The following BAZ2B variants were observed in gnomAD, a reference collection of about 807,000 sequenced individuals.
The protein encoded by BAZ2B is bromodomain adjacent to zinc finger domain 2B, also known as bromodomain adjacent to zinc finger domain protein 2B.
A neutral mutation model predicts 246.0 loss-of-function variants in BAZ2B; 91 were observed. The observed-to-expected ratio is 0.37, with a 90% CI of 0.31 to 0.44. The LOEUF (loss-of-function observed/expected upper bound fraction) is 0.44, where lower values mean the gene tolerates loss of function less well. BAZ2B is among the 20% of genes least tolerant of loss of function. The pLI is 1.00. For synonymous variants in BAZ2B, 855 were observed against 860.0 expected (o/e 0.99, Z 0.10); for missense variants, 2,332 against 2,533.7 (o/e 0.92, Z 1.71).
the BAZ2B span, among the ~76,000 whole-genome samples, chr2:159,683,072 G>A: frequency 1.3e-5 from 2 of 151,792 alleles, no homozygotes; most frequent in African/African-American, 4.9e-5. Flanking sequence ...CTATGTACTT[G>A]TATAGAGTTG....
At position 159,514,915 on chromosome 2, in the gene BAZ2B, C is replaced by A. The variant is rs578085725; in HGVS notation, c.-2-36194G>T. Among the ~76,000 whole-genome samples the A allele has an allele frequency of 2.0e-5, 3 of 152,136 alleles. No individual in the cohort carries two copies. In the South Asian group the frequency reaches 6.2e-4, roughly 32 times the overall value. On this transcript the variant is annotated intron_variant, in intron 2 of 36. Transcript: ENST00000392783. ...TAAGCTAGAATACTCACAAACTTAA[C>A]CTTTAGAATCTCCTCAGAATATGCC...
chr2:159,666,404 C>T, the BAZ2B span, among the ~76,000 whole-genome samples: 3 of 151,804 alleles, frequency 2.0e-5, no homozygotes, highest in Non-Finnish European at 2.9e-5. Flanking sequence ...GGACTACAGG[C>T]GCACACCACC....
In BAZ2B at chr2:159,342,849, C is replaced by A. The variant is rs1044424946; in HGVS notation, c.5454+4637G>T. Reference sequence around the variant, plus strand: ...GTTAAAATGATAATACTACCCAATGCGATCTACAGATTCAACACAATCCCT... The same window carrying A: ...GTTAAAATGATAATACTACCCAATGAGATCTACAGATTCAACACAATCCCT... On this transcript the variant is annotated intron_variant, in intron 31 of 36. Coordinates refer to ENST00000392783, the MANE Select transcript of BAZ2B (RefSeq NM_013450.4). Among the ~76,000 whole-genome samples, 4 of 151,990 alleles carry A rather than the reference C, an allele frequency of 2.6e-5. No individual in the cohort carries two copies. In the East Asian group the frequency reaches 7.7e-4, roughly 29 times the overall value.
chr2:159,589,641 CTG>C (rs1244825603), intron 1 of BAZ2B, among the ~76,000 whole-genome samples: 1 of 152,156 alleles, frequency 6.6e-6, no homozygotes, highest in Non-Finnish European at 1.5e-5. Flanking sequence ...TCTTAAGACA[CTG>C]TTTATATAAT....
chr2:159,385,555 C>A (rs944872142), intron 22 of BAZ2B, among the ~76,000 whole-genome samples, 186 bp from the exon 23 acceptor site: 1 of 151,676 alleles, frequency 6.6e-6, no homozygotes, highest in African/African-American at 2.4e-5. Context: ...GTATTTGTTT[C>A]TTTCTTTCCC....
chr2:159,676,848 T>G, the BAZ2B span, among the ~76,000 whole-genome samples: 12 of 151,908 alleles, frequency 7.9e-5, no homozygotes, highest in South Asian at 2.1e-4. Flanking sequence ...CACAATAGTG[T>G]GAATGTACTT....
chr2:159,564,073 T>C (rs999262388), intron 1 of BAZ2B, among the ~76,000 whole-genome samples: 5 of 152,212 alleles, frequency 3.3e-5, no homozygotes, highest in African/African-American at 1.2e-4. Context: ...TTTTGCAAAC[T>C]ATCCTTCTTA....
intron 1 of BAZ2B, among the ~76,000 whole-genome samples, chr2:159,581,813 A>C (rs924740682): frequency 1.3e-4 from 19 of 151,758 alleles, no homozygotes; most frequent in African/African-American, 4.4e-4. Flanking sequence ...TGAGCAAACT[A>C]TCACAAGGAC....
At chr2:159,543,039 T>A (rs796394296) in intron 2 of BAZ2B, among the ~76,000 whole-genome samples, 51 of 152,276 alleles carry the variant, frequency 3.3e-4, no homozygotes, top group African/African-American at 1.2e-3. Context: ...AAAGTAAGAA[T>A]AATAATGATA....
chr2:159,618,926 T>C (rs1696318468), upstream of BAZ2B, among the ~76,000 whole-genome samples: 1 of 152,122 alleles, frequency 6.6e-6, no homozygotes, highest in Non-Finnish European at 1.5e-5. Context: ...AATTTTTGGT[T>C]CCAATAATAT....
At chr2:159,693,489 T>C in the BAZ2B span, 1 of 147,004 alleles carries the variant, frequency 6.8e-6, no homozygotes, top group Non-Finnish European at 1.5e-5. Flanking sequence ...AATGGTGAGA[T>C]CATGGCTCAC....
In BAZ2B at chr2:159,428,382, G is replaced by A. The variant is rs765674376; in HGVS notation, c.2293C>T (p.Arg765Cys). 10 of 1,612,950 alleles carry A rather than the reference G, an allele frequency of 6.2e-6. No individual in the cohort carries two copies. The South Asian group carries it at 6.6e-5, about 11-fold the overall frequency. Residue 765 changes from arginine to cysteine, a missense_variant, in exon 12 of 37, where the codon CGC becomes TGC. Physicochemically the swap from Arg to Cys is radical, Grantham distance 180. Coordinates refer to ENST00000392783, the MANE Select transcript of BAZ2B (RefSeq NM_013450.4). ...RETRIRNFGG[R>C]LQGEVAYYAP... ...TAATATGCTACTTCTCCTTGAAGGC[G>A]CCCTCCAAAGTTTCTTATTCTTGTC...
At chr2:159,435,220 T>G (rs2071990509) in intron 8 of BAZ2B, 1 of 151,898 alleles carries the variant, frequency 6.6e-6, no homozygotes, top group Non-Finnish European at 1.5e-5. Flanking sequence ...TTTTTTGGAC[T>G]CTGTCACCCA....
chr2:159,622,723 A>G, the BAZ2B span, among the ~76,000 whole-genome samples: 1 of 152,120 alleles, frequency 6.6e-6, no homozygotes, highest in Non-Finnish European at 1.5e-5. Flanking sequence ...TTAGAGAAAA[A>G]GAAATGGGGC....
chr2:159,658,271 A>G, the BAZ2B span, among the ~76,000 whole-genome samples: 1 of 152,158 alleles, frequency 6.6e-6, no homozygotes, highest in African/African-American at 2.4e-5. Flanking sequence ...AATAAATACC[A>G]GTTGGTCATG....
chr2:159,548,161 GA>G (rs1338228431), intron 2 of BAZ2B, among the ~76,000 whole-genome samples: 1 of 152,062 alleles, frequency 6.6e-6, no homozygotes. Flanking sequence ...TCAGACTCTA[GA>G]AAACAAAATG....
At chr2:159,565,304 AG>A (rs1350887211) in intron 1 of BAZ2B, among the ~76,000 whole-genome samples, 1 of 152,212 alleles carries the variant, frequency 6.6e-6, no homozygotes, top group Non-Finnish European at 1.5e-5. Context: ...ACTCTGACGG[AG>A]TATTGCTCTG....
chr2:159,588,665 A>G (rs1688613374), intron 1 of BAZ2B, among the ~76,000 whole-genome samples: 2 of 152,226 alleles, frequency 1.3e-5, no homozygotes, highest in Non-Finnish European at 2.9e-5. Context: ...CGGTTTAGTC[A>G]TTATGACAAA....
chr2:159,477,239 A>T, intron 3 of BAZ2B, among the ~76,000 whole-genome samples: 1 of 152,130 alleles, frequency 6.6e-6, no homozygotes. Context: ...CAGGTGGTGG[A>T]GCTTGCAGTG....
Sources: gnomAD v4.1 joint callset for allele counts (sites outside exome capture counted in the v4.1 genomes callset) on GRCh38, gnomAD v4.1.1 for gene constraint, MANE v1.5 for transcripts, NCBI Gene and HGNC (gene_info 2026-07-23, HGNC 2026-07-21) for gene names.